The following ZNF423 variants were observed in gnomAD, a reference collection of about 807,000 sequenced individuals.
ZNF423 encodes zinc finger protein 423.
A neutral mutation model predicts 95.8 loss-of-function variants in ZNF423; 12 were observed. The observed-to-expected ratio is 0.13, with a 90% CI of 0.08 to 0.20. ZNF423 has a LOEUF of 0.20. Ranked by LOEUF, ZNF423 falls within the 10% of genes least tolerant of loss-of-function variation. The probability of loss-of-function intolerance (pLI) is 1.00; values close to 1 mark genes in which losing one functional copy is unlikely to be tolerated. For synonymous variants in ZNF423, 749 were observed against 711.9 expected (o/e 1.05, Z -0.83); for missense variants, 1,316 against 1,737.1 (o/e 0.76, Z 4.31).
Position 49,637,490 on chromosome 16 carries a change from C to G in ZNF423, c.1686G>C (p.Gln562His). ...GSAKLESPVV[Q>H]PTQSFMEVYS... ...AGACCTCCATGAAGGACTGCGTGGG[C>G]TGCACCACCGGAGACTCTAGTTTGG... The change falls in exon 4 of 8, where the codon CAG becomes CAC. Residue 562 changes from glutamine to histidine, a missense_variant. This residue lies in a region of ZNF423 where 399 missense variants were observed against 478.5 expected (regional missense o/e 0.83). Transcript: ENST00000563137. This position sits in a 1 kb window ranked among gnomAD's most constrained non-coding sequence, Gnocchi z 5.6. 1 of 1,613,980 alleles carries G rather than the reference C, an allele frequency of 6.2e-7. No homozygotes were observed. The highest frequency in any genetic ancestry group is 8.5e-7 in the Non-Finnish European group (1 of 1,180,018).
chr16:49,528,674 C>T (rs1017737665), intron 5 of ZNF423, among the ~76,000 whole-genome samples: 3 of 152,082 alleles, frequency 2.0e-5, no homozygotes, highest in African/African-American at 4.8e-5. Context: ...TTTCTGAAGA[C>T]GAGGCCTTCT....
chr16:49,661,860 A>G (rs1373845616), intron 3 of ZNF423, among the ~76,000 whole-genome samples: 2 of 152,184 alleles, frequency 1.3e-5, no homozygotes, highest in Admixed American at 6.5e-5. Flanking sequence ...AAACCAGGAT[A>G]CGTTAATGGA....
chr16:49,626,024 C>T (rs1972251477), intron 5 of ZNF423, 146 bp downstream of exon 5: 1 of 715,948 alleles, frequency 1.4e-6, no homozygotes, highest in African/African-American at 1.8e-5. Context: ...CCCATTCTGA[C>T]ATTTTCACTC....
chr16:49,648,092 G>A (rs1276081728), intron 3 of ZNF423, among the ~76,000 whole-genome samples: 1 of 152,146 alleles, frequency 6.6e-6, no homozygotes, highest in East Asian at 1.9e-4. Flanking sequence ...ATCACTTTAG[G>A]AAATATCTAA....
At chr16:49,585,756 T>A (rs140415495) in intron 5 of ZNF423, among the ~76,000 whole-genome samples, 2 of 152,270 alleles carry the variant, frequency 1.3e-5, no homozygotes, top group East Asian at 3.9e-4. Context: ...ATTAATGATA[T>A]GAATACAATG....
chr16:49,523,123 A>G (rs1231580016), intron 7 of ZNF423, among the ~76,000 whole-genome samples: 2 of 152,164 alleles, frequency 1.3e-5, no homozygotes, highest in Non-Finnish European at 2.9e-5. Context: ...TGAGGGCCAC[A>G]TCAGTCTCAG....
intron 7 of ZNF423, among the ~76,000 whole-genome samples, chr16:49,498,827 C>G (rs1442596127): frequency 1.3e-5 from 2 of 152,190 alleles, no homozygotes; most frequent in African/African-American, 4.8e-5. Flanking sequence ...GTCCAAGGGT[C>G]TAAGACGAAC....
At chr16:49,750,146 C>A (rs1424725621) in intron 2 of ZNF423, among the ~76,000 whole-genome samples, 1 of 152,198 alleles carries the variant, frequency 6.6e-6, no homozygotes, top group African/African-American at 2.4e-5. Flanking sequence ...TGAGTCACAT[C>A]GGGGCTGCTT....
rs764827416 is a variant in ZNF423 at position 49,635,983 on chromosome 16, C to A, written c.3193G>T (p.Gly1065Cys). The change falls in exon 4 of 8, where the codon GGC (glycine) becomes TGC (cysteine). Residue 1065 changes from glycine to cysteine, a missense_variant. Transcript: ENST00000563137. This position sits in a 1 kb window ranked among gnomAD's most constrained non-coding sequence, Gnocchi z 4.8. ...AGSSAASSPN[G>C]QGLQKLYKCA... ...TTGTAGAGCTTCTGCAGCCCCTGGCCATTGGGGGAGGACGCCGCTGAGCTG... is the reference window on the plus strand; with the variant it reads ...TTGTAGAGCTTCTGCAGCCCCTGGCAATTGGGGGAGGACGCCGCTGAGCTG... 3 of 1,601,102 alleles carry A rather than the reference C, an allele frequency of 1.9e-6. No homozygotes were observed. Among genetic ancestry groups the A allele is most frequent in the Admixed American group, 3.4e-5 (2 of 59,452 alleles).
At chr16:49,821,251 G>A (rs892391577) in intron 1 of ZNF423, among the ~76,000 whole-genome samples, 4 of 151,838 alleles carry the variant, frequency 2.6e-5, no homozygotes, top group South Asian at 4.2e-4. Context: ...ACCCCACAGG[G>A]TGGTGGGGCG....
Position 49,491,169 on chromosome 16 carries a change from C to T in ZNF423, c.*106G>A. On this transcript the variant is annotated 3_prime_UTR_variant, in exon 8 of 8. Transcript: ENST00000563137. ...TCATGGCCAAATCATTAGAGTTTTA[C>T]ATCTGGGTTGCAAATGACACTTTGA... 1.5e-6 allele frequency: 2 copies of T among 1,366,836 alleles called. No individual in the cohort carries two copies. Among genetic ancestry groups the T allele is most frequent in the South Asian group, 1.2e-5 (1 of 86,028 alleles). 84.7% of individuals were successfully genotyped at this position (1,366,836 alleles called of 1,614,324 possible).
chr16:49,576,345 G>GGGGGCA (rs770198581), intron 5 of ZNF423, among the ~76,000 whole-genome samples: 10 of 152,226 alleles, frequency 6.6e-5, no homozygotes, highest in Non-Finnish European at 1.0e-4. Context: ...AACTCGTGGT[G>GGGGGCA]GGGGCAGGGG....
intron 5 of ZNF423, among the ~76,000 whole-genome samples, chr16:49,572,657 G>A (rs1232562862): frequency 6.6e-6 from 1 of 152,156 alleles, no homozygotes; most frequent in Admixed American, 6.5e-5. Flanking sequence ...GGCACGAGTT[G>A]GGAAAGGCTG....
intron 5 of ZNF423, among the ~76,000 whole-genome samples, chr16:49,620,424 A>T (rs77386845): frequency 0.025 from 3,878 of 152,100 alleles, 160 homozygotes; most frequent in African/African-American, 0.087. Context: ...TTCCTCCCCC[A>T]TGTATTTGCC....
chr16:49,569,197 C>T (rs1274999809), intron 5 of ZNF423, among the ~76,000 whole-genome samples: 2 of 152,222 alleles, frequency 1.3e-5, no homozygotes, highest in African/African-American at 4.8e-5. Flanking sequence ...ATCCTTCTAA[C>T]CAGTTTCCCC....
intron 5 of ZNF423, among the ~76,000 whole-genome samples, chr16:49,566,427 TGCAGCCCAGCCCCA>T (rs1057073536): frequency 2.6e-5 from 4 of 152,124 alleles, no homozygotes; most frequent in African/African-American, 4.8e-5. Context: ...TCACCCCACC[TGCAGCCCAGCCCCA>T]GCACTGGCTG....
chr16:49,800,848 G>T (rs1378174847), intron 1 of ZNF423, among the ~76,000 whole-genome samples: 1 of 152,180 alleles, frequency 6.6e-6, no homozygotes, highest in Non-Finnish European at 1.5e-5. Flanking sequence ...TTCCAAGCAT[G>T]GCTTCAGCTC....
chr16:49,679,363 C>T (rs890934000), intron 3 of ZNF423, among the ~76,000 whole-genome samples: 2 of 152,242 alleles, frequency 1.3e-5, no homozygotes, highest in South Asian at 2.1e-4. Flanking sequence ...AGCACAGCTG[C>T]AGCCACCTAG....
Position 49,636,407 on chromosome 16 carries a change from C to T in ZNF423, c.2769G>A (p.Glu923=), listed in dbSNP as rs369901240. 2.5e-6 allele frequency: 4 copies of T among 1,613,328 alleles called. No homozygotes were observed. The highest frequency in any genetic ancestry group is 2.5e-6 in the Non-Finnish European group (3 of 1,180,020). The change falls in exon 4 of 8, where the codon GAG becomes GAA. Residue 923 remains glutamate, a synonymous_variant. Transcript: ENST00000563137. The surrounding 1 kb of genome is among the most constrained non-coding windows in gnomAD (Gnocchi z 8.6). ...RLRDHNIRPG[E]DDGSRKKAEF... is the part of the protein sequence containing the mutation. ...CAGCCTTCTTGCGTGAGCCATCATC[C>T]TCGCCCGGCCGGATATTGTGGTCCC...
Sources: allele counts gnomAD v4.1 joint callset (sites outside exome capture counted in the v4.1 genomes callset), GRCh38; gene constraint gnomAD v4.1.1; regional missense constraint gnomAD v4.1.1; non-coding constraint Gnocchi (gnomAD v3.1); transcripts MANE v1.5; gene names NCBI Gene and HGNC (gene_info 2026-07-23, HGNC 2026-07-21).